Variants in ATP2B4 observed in about 807,000 individuals in gnomAD.
The protein encoded by ATP2B4 is plasma membrane calcium-transporting ATPase 4.
Under a neutral mutation model 110.3 loss-of-function variants are expected in ATP2B4, and 39 were observed. The observed-to-expected ratio is 0.35, with a 90% confidence interval of 0.27 to 0.46. The LOEUF is 0.46. ATP2B4 is among the 20% of genes least tolerant of loss of function. The pLI is 1.00. For synonymous variants in ATP2B4, 538 were observed against 571.7 expected, an observed-to-expected ratio of 0.94 and a Z score of 0.84; for missense variants, 1,135 against 1,530.9, an observed-to-expected ratio of 0.74 and a Z score of 4.32.
chr1:203,711,193 A>C, intron 12 of ATP2B4, 85 bp downstream of exon 12: 13 of 1,222,660 alleles, frequency 1.1e-5, no homozygotes, highest in Non-Finnish European at 1.5e-5. Context: ...AGGTAACCTA[A>C]CTGCCTCTCA....
At chr1:203,643,376 A>G (rs1663690505) in intron 1 of ATP2B4, among the ~76,000 whole-genome samples, 3 of 152,214 alleles carry the variant, frequency 2.0e-5, no homozygotes, top group South Asian at 4.1e-4. Flanking sequence ...TAGAAGCTGT[A>G]GCCCAAGGGT....
At chr1:203,708,789 A>G (rs987201621) in intron 10 of ATP2B4, among the ~76,000 whole-genome samples, 5 of 152,208 alleles carry the variant, frequency 3.3e-5, no homozygotes, top group African/African-American at 1.2e-4. Context: ...TAAGAGGTCA[A>G]GTCTGCAGTG....
chr1:203,707,826 G>A lies in ATP2B4; in HGVS notation c.1315-36G>A, dbSNP rs151183175. 1.3e-4 allele frequency: 207 copies of A among 1,608,870 alleles called. 3 individuals carry two copies. In the African/African-American group the frequency reaches 2.2e-3, roughly 17 times the overall value. On this transcript the variant is annotated intron_variant, in intron 9 of 20. Transcript: ENST00000357681. ...ACCTAGATTTAGGAGAGTCCAGTTA[G>A]TCCCCCTCTCAAGTCTTTTCTCTTC... is the stretch of plus-strand genomic sequence containing the variant.
intron 19 of ATP2B4, among the ~76,000 whole-genome samples, chr1:203,726,076 A>AG (rs1666506095): frequency 6.8e-6 from 1 of 147,266 alleles, no homozygotes; most frequent in Admixed American, 6.7e-5. Context: ...AAATACAAAA[A>AG]AAAAAAAAAA....
intron 20 of ATP2B4, among the ~76,000 whole-genome samples, chr1:203,734,482 G>A (rs535453054): frequency 2.6e-5 from 4 of 152,216 alleles, no homozygotes; most frequent in South Asian, 2.1e-4. Context: ...CGAGGTGGGC[G>A]GATCACCTGA....
intron 1 of ATP2B4, among the ~76,000 whole-genome samples, chr1:203,659,792 AT>A (rs1664277151): frequency 6.6e-6 from 1 of 152,078 alleles, no homozygotes; most frequent in South Asian, 2.1e-4. Context: ...GCTAAAAAAA[AT>A]ATATAAAAAG....
In ATP2B4 at chr1:203,627,115, C is replaced by T. The variant is rs1663113568; in HGVS notation, c.-569C>T. On this transcript the variant is annotated 5_prime_UTR_variant, in exon 1 of 21. Coordinates refer to ENST00000357681, the MANE Select transcript of ATP2B4 (RefSeq NM_001684.5). ...AAGCCAGCGTCTCTAGCTTGGTTGC[C>T]ACACTGGGGAGACTGGTGGGTGGTC... 6.6e-6 allele frequency: 1 copy of T among 152,270 alleles called. No homozygotes were observed. Among genetic ancestry groups the T allele is most frequent in the Non-Finnish European group, 1.5e-5 (1 of 68,068 alleles). The allele number at this position is 152,270 out of a possible 1,614,324, so 9.4% of individuals were successfully genotyped here. A position where few individuals can be genotyped will look rare whatever the true frequency, so the allele number is the denominator to read the frequency against.
chr1:203,678,091 G>A (rs575077710), intron 1 of ATP2B4, among the ~76,000 whole-genome samples: 8 of 152,156 alleles, frequency 5.3e-5, no homozygotes, highest in African/African-American at 7.2e-5. Context: ...CCCTAGCCCC[G>A]GGCCCCTCCT....
chr1:203,708,450 T>C (rs1049935979), intron 10 of ATP2B4, among the ~76,000 whole-genome samples: 6 of 152,138 alleles, frequency 3.9e-5, no homozygotes, highest in Non-Finnish European at 8.8e-5. Context: ...TGTATTAGAA[T>C]AAGACCCACA....
Position 203,739,747 on chromosome 1 carries a change from G to T in ATP2B4, c.3511G>T (p.Gly1171Cys), listed in dbSNP as rs905489686. The stretch of plus-strand genomic sequence containing the variant: ...TGGGACTAGGGTGCTCCTGTTGGAT[G>T]GTGAGGTCACTCCATATGCCAATAC... ...KFGTRVLLLD[G>C]EVTPYANTNN... Residue 1171 changes from glycine to cysteine, a missense_variant, in exon 21 of 21, where the codon GGT (glycine) becomes TGT (cysteine). Physicochemically the swap from Gly to Cys is radical, Grantham distance 159. Around this residue, in one of 9 missense-constraint regions of ATP2B4, gnomAD observed 92 missense variants for 82.5 expected, o/e 1.11. Coordinates refer to ENST00000357681, the MANE Select transcript of ATP2B4 (RefSeq NM_001684.5). 4 of 1,614,034 alleles carry T rather than the reference G, an allele frequency of 2.5e-6. No individual in the cohort carries two copies. The highest frequency in any genetic ancestry group is 3.4e-6 in the Non-Finnish European group (4 of 1,180,034).
rs1239739837 is a variant in ATP2B4 at position 203,696,955 on chromosome 1, G to A, written c.194-1202G>A. On this transcript the variant is annotated intron_variant, in intron 2 of 20. Coordinates refer to ENST00000357681, the MANE Select transcript of ATP2B4 (RefSeq NM_001684.5). ...TGTACACACAGGTATGTAAGCAAAC[G>A]TATGTTGGTAGGGAGGATGCTGCTA... Among the ~76,000 whole-genome samples the A allele has an allele frequency of 7.9e-5, 12 of 152,154 alleles. No homozygotes were observed. In the South Asian group the frequency reaches 1.0e-3, roughly 13 times the overall value.
chr1:203,631,472 A>T (rs1276500288), intron 1 of ATP2B4, among the ~76,000 whole-genome samples: 1 of 152,206 alleles, frequency 6.6e-6, no homozygotes. Context: ...ATTGGTAGGA[A>T]GGTCAGGGAC....
intron 9 of ATP2B4, 134 bp from the exon 10 acceptor site, chr1:203,707,728 G>T: frequency 8.0e-7 from 1 of 1,247,240 alleles, no homozygotes. Flanking sequence ...ACTGCACCCA[G>T]TCAGTATCTT....
At chr1:203,677,452 C>T (rs116735996) in intron 1 of ATP2B4, among the ~76,000 whole-genome samples, 4,611 of 152,174 alleles carry the variant, frequency 0.03, 90 homozygotes, top group Middle Eastern at 0.041. Context: ...TTCTGAGGGA[C>T]TCCTAAAGCA....
At chr1:203,647,334 A>G (rs564598241) in intron 1 of ATP2B4, among the ~76,000 whole-genome samples, 6 of 152,156 alleles carry the variant, frequency 3.9e-5, no homozygotes, top group Admixed American at 3.9e-4. Flanking sequence ...TACTCAGGAG[A>G]CTGAGGCGGG....
At chr1:203,653,921 C>T (rs1161277999) in intron 1 of ATP2B4, among the ~76,000 whole-genome samples, 4 of 149,838 alleles carry the variant, frequency 2.7e-5, no homozygotes, top group African/African-American at 7.4e-5. Context: ...AACAACAAAG[C>T]TTGGATGACA....
chr1:203,711,884 G>C (rs1484725303), intron 12 of ATP2B4, 76 bp from the exon 13 acceptor site: 1 of 1,525,046 alleles, frequency 6.6e-7, no homozygotes, highest in Non-Finnish European at 8.9e-7. Flanking sequence ...CTGCCACAAA[G>C]GGACAGACAA....
chr1:203,659,286 A>G (rs1664261058), intron 1 of ATP2B4, among the ~76,000 whole-genome samples: 1 of 152,226 alleles, frequency 6.6e-6, no homozygotes, highest in Non-Finnish European at 1.5e-5. Flanking sequence ...TTTCTTGAGT[A>G]GCTCTTGTAT....
intron 15 of ATP2B4, among the ~76,000 whole-genome samples, chr1:203,718,851 A>G (rs1215843697): frequency 6.6e-6 from 1 of 152,120 alleles, no homozygotes; most frequent in Non-Finnish European, 1.5e-5. Flanking sequence ...GTCATTTGTA[A>G]CATTTGTCTG....
Sources: allele counts gnomAD v4.1 joint callset (sites outside exome capture counted in the v4.1 genomes callset), GRCh38; gene constraint gnomAD v4.1.1; regional missense constraint gnomAD v4.1.1; transcripts MANE v1.5; gene names NCBI Gene and HGNC (gene_info 2026-07-23, HGNC 2026-07-21).